PDE6B: variants seen among roughly 807,000 people sequenced by gnomAD.
PDE6B encodes phosphodiesterase 6B, also known as rod cGMP-specific 3',5'-cyclic phosphodiesterase subunit beta.
A neutral mutation model predicts 109.0 loss-of-function variants in PDE6B; 106 were observed. The ratio of observed to expected loss-of-function variants is 0.97; its 90% CI spans 0.83 to 1.14. The LOEUF (loss-of-function observed/expected upper bound fraction) is 1.14. Among genes scored for constraint, PDE6B ranks in the 50% most tolerant of loss-of-function variants. The pLI is 0.00. For synonymous variants in PDE6B, 490 were observed against 471.3 expected, an observed-to-expected ratio of 1.04 and a Z score of -0.51; for missense variants, 1,193 against 1,155.6, an observed-to-expected ratio of 1.03 and a Z score of -0.47.
chr4:653,771 G>C (rs1735824766), intron 3 of PDE6B, 81 bp from the exon 4 acceptor site: 11 of 1,491,604 alleles, frequency 7.4e-6, no homozygotes, highest in Non-Finnish European at 1.0e-5. Flanking sequence ...TGTCAGGCTT[G>C]AGTTAAACCC....
intron 5 of PDE6B, 132 bp downstream of exon 5, chr4:654,286 CCTGT>C: frequency 2.4e-6 from 2 of 816,350 alleles, no homozygotes. Flanking sequence ...ACCCCGGGTG[CCTGT>C]CTGTGGTCTC....
chr4:667,541 G>A (rs898737668), intron 20 of PDE6B, among the ~76,000 whole-genome samples: 2 of 152,150 alleles, frequency 1.3e-5, no homozygotes, highest in Non-Finnish European at 2.9e-5. Context: ...CCTGCTGTCC[G>A]CCTGTGCCCA....
intron 5 of PDE6B, chr4:654,405 T>C: frequency 1.6e-6 from 1 of 638,080 alleles, no homozygotes; most frequent in Non-Finnish European, 2.9e-6. Flanking sequence ...GCTCTGATTG[T>C]GGGGGCTCCT....
rs1314475337 is a variant in PDE6B, at chr4:665,059, C to T, written c.2193+115C>T. 2.2e-6 allele frequency: 2 copies of T among 927,630 alleles called. No individual in the cohort carries two copies. The highest frequency in any genetic ancestry group is 1.3e-5 in the South Asian group (1 of 75,076). 57.5% of individuals were successfully genotyped at this position (927,630 alleles called of 1,614,324 possible). The stretch of plus-strand genomic sequence containing the variant: ...CATTGTTTGCAAGGAGCTCTGAGGG[C>T]CACCTCGGGGCCAGGCCAGGGCGGC... On this transcript the variant is annotated intron_variant, in intron 18 of 21. Transcript: ENST00000496514. The surrounding 1 kb of genome is among the most constrained non-coding windows in gnomAD (Gnocchi z 4.0).
intron 11 of PDE6B, 65 bp downstream of exon 11, chr4:659,082 C>A: frequency 1.6e-6 from 2 of 1,219,304 alleles, no homozygotes; most frequent in South Asian, 2.4e-5. Context: ...AGGAAGAGTT[C>A]TGCATTCTCC....
chr4:637,662 G>A (rs1258370107), intron 3 of PDE6B, among the ~76,000 whole-genome samples: 1 of 152,232 alleles, frequency 6.6e-6, no homozygotes, highest in African/African-American at 2.4e-5. Flanking sequence ...GGCTGTGCTT[G>A]TTGCCGGGGT....
Position 666,639 on chromosome 4 carries a change from G to A in PDE6B, c.2352+25G>A, listed in dbSNP as rs1199087757. 4.0e-6 allele frequency: 6 copies of A among 1,515,506 alleles called. No individual in the cohort carries two copies. Among genetic ancestry groups the A allele is most frequent in the Admixed American group, 1.7e-5 (1 of 59,870 alleles). The allele number at this position is 1,515,506 out of a possible 1,614,324, so 93.9% of individuals were successfully genotyped here. On this transcript the variant is annotated intron_variant, in intron 20 of 21. Transcript: ENST00000496514. This position sits in a 1 kb window ranked among gnomAD's most constrained non-coding sequence, Gnocchi z 5.6. ...GGCGAGTGGTTCACGGGTGTTCCGA[G>A]CTGACTGGGGCAGGGTGGCTGGGAG...
chr4:655,566 G>A (rs1169726132), intron 6 of PDE6B: 3 of 379,272 alleles, frequency 7.9e-6, no homozygotes, highest in Non-Finnish European at 1.5e-5. Context: ...GCCCCAGCAC[G>A]GCAGCCTGGG....
chr4:653,363 C>A, intron 3 of PDE6B: 1 of 1,090,600 alleles, frequency 9.2e-7, no homozygotes. Flanking sequence ...CAACCAGGGG[C>A]CTGTGCAGCG....
At chr4:660,642 G>T (rs755860409) in intron 12 of PDE6B, 29 bp downstream of exon 12, 14 of 1,608,722 alleles carry the variant, frequency 8.7e-6, no homozygotes, top group Non-Finnish European at 1.2e-5. Flanking sequence ...CGCATAGTCA[G>T]GTCCCTGAGG....
rs199974771 is a variant in PDE6B, at chr4:625,758, C to G, written c.132C>G (p.Cys44Trp). ...AACEDGCPPD[C>W]DSLRDLCQVE... ...GCGAGGACGGGTGCCCGCCGGACTG[C>G]GACAGCCTCCGGGACCTCTGCCAGG... Residue 44 changes from cysteine (C) to tryptophan (W), a missense_variant, in exon 1 of 22, where the codon TGC becomes TGG. Physicochemically the swap from Cys to Trp is radical, Grantham distance 215. Transcript: ENST00000496514. This position sits in a 1 kb window ranked among gnomAD's most constrained non-coding sequence, Gnocchi z 5.0. 1,018 of 1,613,358 alleles carry G rather than the reference C, an allele frequency of 6.3e-4. 10 individuals are homozygous for G. The South Asian group carries it at 0.011, about 17-fold the overall frequency.
intron 3 of PDE6B, among the ~76,000 whole-genome samples, chr4:651,341 C>T (rs1216262402): frequency 1.3e-5 from 2 of 151,996 alleles, no homozygotes; most frequent in Non-Finnish European, 2.9e-5. Context: ...GAGTGGGGGC[C>T]CCAGGGGTTG....
chr4:650,170 G>A (rs1735431114), intron 3 of PDE6B, among the ~76,000 whole-genome samples: 1 of 152,212 alleles, frequency 6.6e-6, no homozygotes, highest in Non-Finnish European at 1.5e-5. Context: ...CCTGAGGAGG[G>A]GACAAGTCTG....
intron 16 of PDE6B, 113 bp from the exon 17 acceptor site, chr4:664,001 C>A (rs1737469083): frequency 8.9e-7 from 1 of 1,127,226 alleles, no homozygotes; most frequent in Non-Finnish European, 1.3e-6. Flanking sequence ...CCGCCGGCCC[C>A]GCGCACCCCG....
rs555056904 is a variant in PDE6B at position 627,247 on chromosome 4, G to C, written c.468+1153G>C. 1.4e-4 allele frequency among the ~76,000 whole-genome samples: 22 copies of C among 151,896 alleles called. No individual in the cohort carries two copies. In the East Asian group the frequency reaches 4.3e-3, roughly 30 times the overall value. On this transcript the variant is annotated intron_variant, in intron 1 of 21. Transcript: ENST00000496514. ...TGCAACCTCCGTCTCCCACGTTCAA[G>C]CGATTCTCCTGCCTTGGCCTCCTGA...
intron 3 of PDE6B, among the ~76,000 whole-genome samples, chr4:646,631 C>T (rs1197220103): frequency 1.3e-5 from 2 of 152,064 alleles, no homozygotes. Flanking sequence ...TCCGCTCGCT[C>T]CGCTCGTGGT....
rs986106944 is a variant in PDE6B, at chr4:648,877, C to T, written c.712-4975C>T. ...CGCTGCAAGGGCGGAGGAGGTGCCCCGACTCAGGTCAGGCATGGGAGGAGC... is the reference window on the plus strand; with the variant it reads ...CGCTGCAAGGGCGGAGGAGGTGCCCTGACTCAGGTCAGGCATGGGAGGAGC... On this transcript the variant is annotated intron_variant, in intron 3 of 21. Coordinates refer to ENST00000496514, the MANE Select transcript of PDE6B (RefSeq NM_000283.4). The surrounding 1 kb of genome is among the most constrained non-coding windows in gnomAD (Gnocchi z 4.5). Among the ~76,000 whole-genome samples the T allele has an allele frequency of 3.5e-4, 54 of 152,250 alleles. No individual in the cohort carries two copies. The highest frequency in any genetic ancestry group is 1.8e-3 in the Admixed American group (27 of 15,284).
At position 666,464 on chromosome 4, in the gene PDE6B, G is replaced by A. The variant is rs1737805010; in HGVS notation, c.2269-67G>A. 9.8e-7 allele frequency: 1 copy of A among 1,018,222 alleles called. No individual in the cohort carries two copies. Among genetic ancestry groups the A allele is most frequent in the Non-Finnish European group, 1.6e-6 (1 of 638,500 alleles). 63.1% of individuals were successfully genotyped at this position (1,018,222 alleles called of 1,614,324 possible). Reference sequence around the variant, plus strand: ...GCACATCTGAGTGAGGGGGTCGGGGGGCTGGGCGGGGCCCCAGGAGCTGCC... The same window carrying A: ...GCACATCTGAGTGAGGGGGTCGGGGAGCTGGGCGGGGCCCCAGGAGCTGCC... On this transcript the variant is annotated intron_variant, in intron 19 of 21. Transcript: ENST00000496514. The surrounding 1 kb of genome is among the most constrained non-coding windows in gnomAD (Gnocchi z 5.6).
rs1734085636 is a variant in PDE6B, at chr4:626,049, CGTGGCTCA to C, written c.425_432del (p.Val142AspfsTer21). The C allele has an allele frequency of 5.0e-6, 8 of 1,595,948 alleles. No individual in the cohort carries two copies. Among genetic ancestry groups the C allele is most frequent in the Non-Finnish European group, 6.8e-6 (8 of 1,172,164 alleles). On this transcript the variant is annotated frameshift_variant, in exon 1 of 22. Transcript: ENST00000496514. LOFTEE classifies it high-confidence loss of function. The surrounding 1 kb of genome is among the most constrained non-coding windows in gnomAD (Gnocchi z 4.6). ...CACTGGACATCGGGGTCGTGGGCCA[CGTGGCTCA>C]GACCAAAAAGATGGTGAACGTCGAG... is the stretch of plus-strand genomic sequence containing the variant.
Sources: gnomAD v4.1 joint callset for allele counts (sites outside exome capture counted in the v4.1 genomes callset) on GRCh38, gnomAD v4.1.1 for gene constraint, Gnocchi (gnomAD v3.1) non-coding constraint, MANE v1.5 for transcripts, NCBI Gene and HGNC (gene_info 2026-07-23, HGNC 2026-07-21) for gene names.